The following PRLR variants were observed in gnomAD, a reference collection of about 807,000 sequenced individuals.
PRLR encodes prolactin receptor.
Under a neutral mutation model 40.2 loss-of-function variants are expected in PRLR, and 13 were observed. That is an observed-to-expected ratio of 0.32 (90% CI 0.21 to 0.51). The LOEUF is 0.51. Among genes scored for constraint, PRLR ranks in the 20% least tolerant of loss-of-function variants. The pLI, the probability that PRLR is intolerant of heterozygous loss-of-function variation, is 0.97. For missense variants in PRLR, 656 were observed against 747.3 expected (o/e 0.88, Z 1.42); for synonymous variants, 269 against 278.7 (o/e 0.97, Z 0.35).
intron 1 of PRLR, among the ~76,000 whole-genome samples, chr5:35,201,562 AACCAATATTT>A (rs1775883492): frequency 6.6e-6 from 1 of 152,224 alleles, no homozygotes; most frequent in East Asian, 1.9e-4. Flanking sequence ...AAAACAAAAC[AACCAATATTT>A]ACCAGGCACA....
At chr5:35,185,597 C>G (rs1420786788) in intron 1 of PRLR, among the ~76,000 whole-genome samples, 13 of 152,178 alleles carry the variant, frequency 8.5e-5, no homozygotes, top group Admixed American at 7.2e-4. Flanking sequence ...ACACAGGAGC[C>G]TTACAGCAAG....
chr5:35,049,119 G>T lies in PRLR; in HGVS notation c.*168C>A, dbSNP rs577946911. On this transcript the variant is annotated 3_prime_UTR_variant, in exon 9 of 9. Transcript: ENST00000231423. The stretch of plus-strand genomic sequence containing the variant: ...GCTCCCAGTCAATTCTGCTTTGGGG[G>T]CAGTAGGGAGTGATCATATGAGCTG... 3.5e-5 allele frequency: 24 copies of T among 693,228 alleles called. No individual in the cohort carries two copies. The African/African-American group carries it at 3.9e-4, about 11-fold the overall frequency. 42.9% of individuals were successfully genotyped at this position (693,228 alleles called of 1,614,324 possible).
rs1773130666 is a variant in PRLR at position 35,118,068 on chromosome 5, G to A, written c.-51C>T. 1.0e-6 allele frequency: 1 copy of A among 985,344 alleles called. No individual in the cohort carries two copies. The highest frequency in any genetic ancestry group is 1.2e-6 in the Non-Finnish European group (1 of 829,474). The allele number at this position is 985,344 out of a possible 1,614,324, so 61.0% of individuals were successfully genotyped here. Reference sequence around the variant, plus strand: ...AGAACAAGTCCCCCTTACCTTCAGGGTTCATGTGGAAAGCATCCTCAGTGT... The same window carrying A: ...AGAACAAGTCCCCCTTACCTTCAGGATTCATGTGGAAAGCATCCTCAGTGT... On this transcript the variant is annotated 5_prime_UTR_variant, in exon 2 of 10. Transcript: ENST00000618457.
chr5:35,227,656 T>C (rs1776585224), intron 1 of PRLR, among the ~76,000 whole-genome samples: 1 of 152,228 alleles, frequency 6.6e-6, no homozygotes, highest in South Asian at 2.1e-4. Context: ...AAGTTTCCGA[T>C]GTTTCCTTCT....
chr5:35,104,760 G>A (rs1255767401), intron 2 of PRLR, among the ~76,000 whole-genome samples: 4 of 152,014 alleles, frequency 2.6e-5, no homozygotes, highest in South Asian at 2.1e-4. Flanking sequence ...GCTCAAGGAC[G>A]CCTGCCTGTC....
intron 2 of PRLR, among the ~76,000 whole-genome samples, chr5:35,105,017 G>A (rs772260249): frequency 3.2e-4 from 48 of 152,250 alleles, no homozygotes; most frequent in South Asian, 1.5e-3. Flanking sequence ...CCTCTGAGAC[G>A]AAGTTTCCAG....
intron 1 of PRLR, among the ~76,000 whole-genome samples, chr5:35,168,211 A>G (rs1774897971): frequency 6.6e-6 from 1 of 152,098 alleles, no homozygotes; most frequent in Non-Finnish European, 1.5e-5. Context: ...TATACAAAGC[A>G]AAAACTTCCA....
chr5:35,226,834 GGC>G (rs1561374870), intron 1 of PRLR, among the ~76,000 whole-genome samples: 1 of 152,144 alleles, frequency 6.6e-6, no homozygotes, highest in African/African-American at 2.4e-5. Context: ...CACTCTCTCT[GGC>G]ATAGAAGCTC....
At chr5:35,068,154 G>T (rs1024459218) in intron 9 of PRLR, 62 bp downstream of exon 9, 8 of 1,414,690 alleles carry the variant, frequency 5.7e-6, no homozygotes, top group African/African-American at 1.4e-5. Flanking sequence ...GTGTGTGAGT[G>T]TGTAGAGTTA....
In PRLR at chr5:35,058,252, A is replaced by G. The variant is rs555725931; in HGVS notation, c.*6837T>C. On this transcript the variant is annotated 3_prime_UTR_variant, in exon 10 of 10. Transcript: ENST00000618457. ...AAAGAGGAAAAGCAGAGGTAGTGGT[A>G]GCTTTGAAAATGTGGAACCTTATGC... is the stretch of plus-strand genomic sequence containing the variant. 4 of 152,262 alleles carry G rather than the reference A, an allele frequency of 2.6e-5. No homozygotes were observed. Among genetic ancestry groups the G allele is most frequent in the African/African-American group, 9.6e-5 (4 of 41,558 alleles). The allele number at this position is 152,262 out of a possible 1,614,324, so 9.4% of individuals were successfully genotyped here. A position where few individuals can be genotyped will look rare whatever the true frequency, so the allele number is the denominator to read the frequency against.
chr5:35,149,154 C>A (rs988845208), intron 1 of PRLR, among the ~76,000 whole-genome samples: 1 of 152,042 alleles, frequency 6.6e-6, no homozygotes, highest in East Asian at 1.9e-4. Context: ...TGCTTAGTAA[C>A]TATTTTAGTA....
intron 1 of PRLR, among the ~76,000 whole-genome samples, chr5:35,217,419 G>C (rs969936159): frequency 6.6e-6 from 1 of 152,102 alleles, no homozygotes; most frequent in African/African-American, 2.4e-5. Context: ...ACTTTTCTCT[G>C]AAAATACTGC....
At chr5:35,072,856 GT>G (rs11292122) in intron 5 of PRLR, 112 bp from the exon 6 acceptor site, 75,395 of 1,261,502 alleles carry the variant, frequency 0.06, 3,243 homozygotes, top group African/African-American at 0.21. Flanking sequence ...TCTTCCCACT[GT>G]ACTATAAGCC....
At chr5:35,157,441 C>T (rs1179720428) in intron 1 of PRLR, among the ~76,000 whole-genome samples, 1 of 152,134 alleles carries the variant, frequency 6.6e-6, no homozygotes, top group Admixed American at 6.5e-5. Context: ...ATGAGACAAC[C>T]CCTTCCAGGG....
chr5:35,135,598 C>T (rs1203209981), intron 1 of PRLR: 1 of 152,460 alleles, frequency 6.6e-6, no homozygotes, highest in African/African-American at 2.4e-5. Flanking sequence ...TCTTAGGCTT[C>T]TGAGGGTCTA....
At chr5:35,088,908 TCAGA>T (rs1771027764) in intron 3 of PRLR, among the ~76,000 whole-genome samples, 1 of 152,166 alleles carries the variant, frequency 6.6e-6, no homozygotes, top group African/African-American at 2.4e-5. Context: ...ACATACAGGT[TCAGA>T]CAGAGAGACA....
At chr5:35,090,404 C>T (rs1217023286) in intron 2 of PRLR, among the ~76,000 whole-genome samples, 6 of 152,030 alleles carry the variant, frequency 3.9e-5, no homozygotes, top group African/African-American at 1.4e-4. Context: ...CTTGGAACAA[C>T]GTTCAAAGCC....
chr5:35,137,967 T>C (rs1164323541), intron 1 of PRLR, among the ~76,000 whole-genome samples: 2 of 152,248 alleles, frequency 1.3e-5, no homozygotes, highest in Non-Finnish European at 2.9e-5. Flanking sequence ...TATTAAAATG[T>C]TTAATTTCAT....
At position 35,057,003 on chromosome 5, in the gene PRLR, T is replaced by G. The variant is rs1429660747; in HGVS notation, c.*8086A>C. 1 of 152,164 alleles carries G rather than the reference T, an allele frequency of 6.6e-6. No individual in the cohort carries two copies. Among genetic ancestry groups the G allele is most frequent in the Non-Finnish European group, 1.5e-5 (1 of 68,012 alleles). 9.4% of individuals were successfully genotyped at this position (152,164 alleles called of 1,614,324 possible). A position where few individuals can be genotyped will look rare whatever the true frequency, so the allele number is the denominator to read the frequency against. On this transcript the variant is annotated 3_prime_UTR_variant, in exon 10 of 10. Coordinates refer to ENST00000618457, the MANE Select transcript of PRLR (RefSeq NM_000949.7). ...TTTAGATCCATTAAAAGATTATCCA[T>G]TTACACTTCATCTGATGGATTTTGT...
Sources: gnomAD v4.1 joint callset for allele counts (sites outside exome capture counted in the v4.1 genomes callset) on GRCh38, gnomAD v4.1.1 for gene constraint, MANE v1.5 for transcripts, NCBI Gene and HGNC (gene_info 2026-07-23, HGNC 2026-07-21) for gene names.